E2F8: variants seen among roughly 807,000 people sequenced by gnomAD.
E2F8 encodes the protein transcription factor E2F8.
A neutral mutation model predicts 80.8 loss-of-function variants in E2F8; 35 were observed. That is an observed-to-expected ratio of 0.43 (90% CI 0.33 to 0.57). The LOEUF (loss-of-function observed/expected upper bound fraction) is 0.57, where lower values mean the gene tolerates loss of function less well. Ranked by LOEUF, E2F8 falls within the 20% of genes least tolerant of loss-of-function variation. E2F8 has a pLI of 0.04. For synonymous variants in E2F8, 386 were observed against 395.0 expected, an observed-to-expected ratio of 0.98 and a Z score of 0.27; for missense variants, 975 against 1,056.2, an observed-to-expected ratio of 0.92 and a Z score of 1.07.
At position 19,234,422 on chromosome 11, in the gene E2F8, A is replaced by G. The variant is rs1411460547; in HGVS notation, c.866T>C (p.Val289Ala). ...CTCCCCAATTAAAATCTTGGCAGCA[A>G]CTTCTAGGCTTACTATCTGAGGCGT... ...VSTPQIVSLE[V>A]AAKILIGEDH... Residue 289 changes from valine (V) to alanine (A), a missense_variant, in exon 6 of 13, where the codon GTT (valine) becomes GCT (alanine). Transcript: ENST00000250024. The G allele has an allele frequency of 1.9e-6, 3 of 1,614,098 alleles. No individual in the cohort carries two copies. In the African/African-American group the frequency reaches 4.0e-5, roughly 22 times the overall value.
Position 19,237,421 on chromosome 11 carries a change from TC to T in E2F8, c.343del (p.Glu115ArgfsTer4). On this transcript the variant is annotated frameshift_variant, in exon 4 of 13. Coordinates refer to ENST00000250024, the MANE Select transcript of E2F8 (RefSeq NM_024680.4). LOFTEE classifies it high-confidence loss of function. ...ATGACACAATAATCCTAAACTTTTC[TC>T]TTTTCGACTTGGTTGGGATTTCTCA... ...EFEKSQPSRK[E>X]KSLGLLCHKF... The T allele has an allele frequency of 6.2e-7, 1 of 1,614,194 alleles. No individual in the cohort carries two copies. Among genetic ancestry groups the T allele is most frequent in the Non-Finnish European group, 8.5e-7 (1 of 1,180,012 alleles).
At position 19,240,909 on chromosome 11, in the gene E2F8, C is replaced by T. The variant is rs943547878; in HGVS notation, c.-471G>A. 1.3e-5 allele frequency: 2 copies of T among 152,380 alleles called. No homozygotes were observed. Among genetic ancestry groups the T allele is most frequent in the Non-Finnish European group, 2.9e-5 (2 of 68,198 alleles). 9.4% of individuals were successfully genotyped at this position (152,380 alleles called of 1,614,324 possible). On this transcript the variant is annotated 5_prime_UTR_variant, in exon 1 of 13. Transcript: ENST00000250024. ...GGAAGGCTGTATTTGCCCAATAAGG[C>T]AAGCAGGTACTGTCCCCCGGCCGCC... is the stretch of plus-strand genomic sequence containing the variant.
At chr11:19,231,672 T>C (rs190427861) in intron 7 of E2F8, among the ~76,000 whole-genome samples, 1 of 152,360 alleles carries the variant, frequency 6.6e-6, no homozygotes, top group Admixed American at 6.5e-5. Flanking sequence ...GCACAGGTTC[T>C]GTTGTGGTCA....
At chr11:19,231,689 C>T (rs934942258) in intron 7 of E2F8, among the ~76,000 whole-genome samples, 2 of 152,268 alleles carry the variant, frequency 1.3e-5, no homozygotes, top group South Asian at 4.1e-4. Context: ...GTCACTGTGC[C>T]GCATAGCAGC....
At position 19,234,938 on chromosome 11, in the gene E2F8, C is replaced by G; in HGVS notation, c.572G>C (p.Gly191Ala). 1 of 1,614,196 alleles carries G rather than the reference C, an allele frequency of 6.2e-7. No individual in the cohort carries two copies. Among genetic ancestry groups the G allele is most frequent in the South Asian group, 1.1e-5 (1 of 91,090 alleles). Residue 191 changes from glycine to alanine, a missense_variant, in exon 5 of 13, where the codon GGC (glycine) becomes GCC (alanine). Physicochemically the swap from Gly to Ala is moderately conservative, Grantham distance 60. Transcript: ENST00000250024. ...CTCCTCCCCGATGCTCTTCAAGGTG[C>G]CAAGGGTTTTGTTGAGATTGTGTCG... ...HGRHNLNKTL[G>A]TLKSIGEENK...
rs1590130798 is a variant in E2F8, at chr11:19,237,191, T to C, written c.451+123A>G. 4.6e-5 allele frequency: 45 copies of C among 985,618 alleles called. No individual in the cohort carries two copies. The East Asian group carries it at 1.2e-3, about 26-fold the overall frequency. 61.1% of individuals were successfully genotyped at this position (985,618 alleles called of 1,614,324 possible). A position where few individuals can be genotyped will look rare whatever the true frequency, so the allele number is the denominator to read the frequency against. On this transcript the variant is annotated intron_variant, in intron 4 of 12. Transcript: ENST00000250024. The stretch of plus-strand genomic sequence containing the variant: ...AGAAGAGGGCTTTAGAGATAGAAAA[T>C]TTCCATGCCGGCTTATTTGTGTCAT...
upstream of E2F8, chr11:19,241,415 C>G (rs1851663719): frequency 6.5e-6 from 1 of 153,206 alleles, no homozygotes; most frequent in Non-Finnish European, 1.5e-5. The surrounding 1 kb of genome is among the most constrained non-coding windows in gnomAD (Gnocchi z 4.5). Flanking sequence ...ACCTGTCAGT[C>G]CACCTCACGG....
Position 19,237,346 on chromosome 11 carries a change from T to C in E2F8, c.419A>G (p.Asp140Gly), listed in dbSNP as rs1342581085. ...PNYPNPAVNNDICLDEVAEEL... is the reference protein window; with the variant it reads ...PNYPNPAVNNGICLDEVAEEL... ...CTCTGCCACTTCGTCAAGGCAGATG[T>C]CATTATTCACAGCAGGGTTGGGATA... Residue 140 changes from aspartate (D) to glycine (G), a missense_variant, in exon 4 of 13, where the codon GAC becomes GGC. By Grantham distance (94) the Asp-to-Gly change is moderately conservative (BLOSUM62 -1). Transcript: ENST00000250024. 1 of 1,614,212 alleles carries C rather than the reference T, an allele frequency of 6.2e-7. No individual in the cohort carries two copies. Among genetic ancestry groups the C allele is most frequent in the Non-Finnish European group, 8.5e-7 (1 of 1,180,024 alleles).
At chr11:19,234,555 T>C (rs1851463121) in intron 5 of E2F8, 34 bp from the exon 6 acceptor site, 1 of 1,603,950 alleles carries the variant, frequency 6.2e-7, no homozygotes, top group Non-Finnish European at 8.5e-7. Flanking sequence ...AGAATTAAAA[T>C]TCATAAAGGG....
chr11:19,234,145 TAA>T (rs967973962), intron 6 of E2F8, among the ~76,000 whole-genome samples: 5 of 92,566 alleles, frequency 5.4e-5, no homozygotes, highest in Admixed American at 1.2e-4. Context: ...AGACTCCGTC[TAA>T]AAAAAAAAAA....
chr11:19,230,157 G>A (rs12273302), intron 9 of E2F8, 84 bp downstream of exon 9: 88,468 of 1,504,666 alleles, frequency 0.059, 3,613 homozygotes, highest in African/African-American at 0.2. Flanking sequence ...CAAGGCTAGG[G>A]CTTCTTCTCA....
rs150126793 is a variant in E2F8, at chr11:19,227,747, A to G, written c.1893+1707T>C. 5.9e-4 allele frequency among the ~76,000 whole-genome samples: 90 copies of G among 152,328 alleles called. 1 individual carries two copies. In the East Asian group the frequency reaches 0.015, roughly 26 times the overall value. On this transcript the variant is annotated intron_variant, in intron 10 of 12. Coordinates refer to ENST00000250024, the MANE Select transcript of E2F8 (RefSeq NM_024680.4). Reference sequence around the variant, plus strand: ...AAAAATTTGTTGAATGAATTAACACATGACTCTCTCATTGTCTTTGTTTTG... The same window carrying G: ...AAAAATTTGTTGAATGAATTAACACGTGACTCTCTCATTGTCTTTGTTTTG...
rs1851353516 is a variant in E2F8 at position 19,230,668 on chromosome 11, T to C, written c.1233A>G (p.Ile411Met). The C allele has an allele frequency of 6.2e-7, 1 of 1,614,114 alleles. No homozygotes were observed. Among genetic ancestry groups the C allele is most frequent in the African/African-American group, 1.3e-5 (1 of 74,932 alleles). The change falls in exon 8 of 13, where the codon ATA becomes ATG. Residue 411 changes from isoleucine (I) to methionine (M), a missense_variant. Physicochemically the swap from Ile to Met is conservative, Grantham distance 10. Coordinates refer to ENST00000250024, the MANE Select transcript of E2F8 (RefSeq NM_024680.4). ...VKSIESDRRK[I>M]NSAPSSPIKT... ...TGATAGGGCTACTGGGCGCAGAATTTATCTTTCTCCGATCACTTTCTATAC... is the reference window on the plus strand; with the variant it reads ...TGATAGGGCTACTGGGCGCAGAATTCATCTTTCTCCGATCACTTTCTATAC...
intron 12 of E2F8, 112 bp downstream of exon 12, chr11:19,225,109 T>C: frequency 3.4e-6 from 5 of 1,453,692 alleles, no homozygotes; most frequent in Non-Finnish European, 4.6e-6. Flanking sequence ...TCTCCTGACT[T>C]TCCCATCCTT....
Position 19,234,786 on chromosome 11 carries a change from C to T in E2F8, c.724G>A (p.Asp242Asn). 1 of 1,614,004 alleles carries T rather than the reference C, an allele frequency of 6.2e-7. No individual in the cohort carries two copies. The highest frequency in any genetic ancestry group is 1.1e-5 in the South Asian group (1 of 91,040). The change falls in exon 5 of 13, where the codon GAC becomes AAC. Residue 242 changes from aspartate to asparagine, a missense_variant. Asp to Asn is a conservative substitution (Grantham distance 23). Coordinates refer to ENST00000250024, the MANE Select transcript of E2F8 (RefSeq NM_024680.4). The stretch of plus-strand genomic sequence containing the variant: ...CCAGGGAGTTCCACAAAACACATGT[C>T]TGGGTGTCCATTTGGGCCAGTGTTT... ...KSNTGPNGHP[D>N]MCFVELPGVE...
At position 19,240,176 on chromosome 11, in the gene E2F8, C is replaced by G; in HGVS notation, c.-55G>C. 1 of 1,300,890 alleles carries G rather than the reference C, an allele frequency of 7.7e-7. No homozygotes were observed. Among genetic ancestry groups the G allele is most frequent in the South Asian group, 1.6e-5 (1 of 61,038 alleles). 80.6% of individuals were successfully genotyped at this position (1,300,890 alleles called of 1,614,324 possible). A position where few individuals can be genotyped will look rare whatever the true frequency, so the allele number is the denominator to read the frequency against. ...AAAAATGAAAAATCTGGAGTTCCTC[C>G]CCAAATCCCGATGGTTCAAGTAGTC... On this transcript the variant is annotated 5_prime_UTR_variant, in exon 2 of 13. Transcript: ENST00000250024.
At chr11:19,225,190 GA>G (rs780546116) in intron 12 of E2F8, 30 bp downstream of exon 12, 3 of 1,593,364 alleles carry the variant, frequency 1.9e-6, no homozygotes, top group Non-Finnish European at 2.6e-6. Context: ...GTAATTCCAG[GA>G]AAAATTAAAT....
intron 12 of E2F8, 117 bp downstream of exon 12, chr11:19,225,104 T>G (rs793275): frequency 0.83 from 1,183,359 of 1,428,404 alleles, 492,407 homozygotes; most frequent in African/African-American, 0.92. Context: ...TTCAATCTCC[T>G]GACTTTCCCA....
At position 19,225,862 on chromosome 11, in the gene E2F8, G is replaced by A. The variant is rs796969; in HGVS notation, c.1896C>T (p.Thr632=). Reference sequence around the variant, plus strand: ...GGATTAGGTATCCTGATGGGAACAAGGTCTAGAAAACAAGGAGGAAGGGTT... The same window carrying A: ...GGATTAGGTATCCTGATGGGAACAAAGTCTAGAAAACAAGGAGGAAGGGTT... ...DLKGLENVSA[T]LFPSGYLIPL... Residue 632 remains threonine, a splice_region_variant and synonymous_variant, in exon 11 of 13, where the codon ACC becomes ACT. Transcript: ENST00000250024. 4,491 of 1,612,220 alleles carry A rather than the reference G, an allele frequency of 2.8e-3. 117 individuals carry two copies. The African/African-American group carries it at 0.053, about 19-fold the overall frequency.
Sources: allele counts gnomAD v4.1 joint callset (sites outside exome capture counted in the v4.1 genomes callset), GRCh38; gene constraint gnomAD v4.1.1; non-coding constraint Gnocchi (gnomAD v3.1); transcripts MANE v1.5; gene names NCBI Gene and HGNC (gene_info 2026-07-23, HGNC 2026-07-21).